ITGA8: variants seen among roughly 807,000 people sequenced by gnomAD.
ITGA8 encodes integrin subunit alpha 8.
ITGA8 carries 91 observed loss-of-function variants against 142.3 expected under a neutral mutation model. The ratio of observed to expected loss-of-function variants is 0.64; its 90% confidence interval spans 0.54 to 0.76. The LOEUF (loss-of-function observed/expected upper bound fraction) is 0.76, where lower values mean the gene tolerates loss of function less well. Ranked by LOEUF, ITGA8 falls within the 30% of genes least tolerant of loss-of-function variation. The pLI, the probability that ITGA8 is intolerant of heterozygous loss-of-function variation, is 0.00. For synonymous variants in ITGA8, 505 were observed against 485.2 expected (o/e 1.04, Z -0.54); for missense variants, 1,406 against 1,327.7 (o/e 1.06, Z -0.92).
At chr10:15,657,505 C>CTTCCTTT (rs1484558885) in intron 10 of ITGA8, among the ~76,000 whole-genome samples, 3 of 66,782 alleles carry the variant, frequency 4.5e-5, no homozygotes, top group South Asian at 1.5e-3. Flanking sequence ...TTTTTCTTTT[C>CTTCCTTT]TTTCATTTTT....
chr10:15,584,774 C>T (rs914270423), intron 23 of ITGA8, among the ~76,000 whole-genome samples: 10 of 152,132 alleles, frequency 6.6e-5, no homozygotes, highest in Non-Finnish European at 1.0e-4. Flanking sequence ...ATATTTTGGC[C>T]GAGCATGGTG....
In ITGA8 at chr10:15,719,600, C is replaced by G; in HGVS notation, c.172G>C (p.Gly58Arg). 1.3e-6 allele frequency: 2 copies of G among 1,560,962 alleles called. No homozygotes were observed. The highest frequency in any genetic ancestry group is 1.4e-5 in the African/African-American group (1 of 70,584). The change falls in exon 1 of 30, where the codon GGC (glycine) becomes CGC (arginine). Residue 58 changes from glycine (G) to arginine (R), a missense_variant. Coordinates refer to ENST00000378076, the MANE Select transcript of ITGA8 (RefSeq NM_003638.3). The stretch of plus-strand genomic sequence containing the variant: ...GGTATGTGGAAGTCCACGGCGTAGC[C>G]GAAGTAGCTGCCCTTGGGGCCGCTG... ...VYSGPKGSYF[G>R]YAVDFHIPDA...
intron 26 of ITGA8, among the ~76,000 whole-genome samples, chr10:15,553,173 C>T (rs1833822537): frequency 6.6e-6 from 1 of 152,076 alleles, no homozygotes; most frequent in African/African-American, 2.4e-5. Flanking sequence ...GGGAGGATCA[C>T]TTGAATCCGG....
At position 15,710,261 on chromosome 10, in the gene ITGA8, C is replaced by T. The variant is rs542127156; in HGVS notation, c.343+8505G>A. On this transcript the variant is annotated intron_variant, in intron 2 of 29. Coordinates refer to ENST00000378076, the MANE Select transcript of ITGA8 (RefSeq NM_003638.3). ...TTTTGACTTTTATGTTTTTTATTTA[C>T]CACTGAAACACAAATCTTCTCATGT... Among the ~76,000 whole-genome samples the T allele has an allele frequency of 8.5e-5, 13 of 152,178 alleles. No homozygotes were observed. In the East Asian group the frequency reaches 2.5e-3, roughly 29 times the overall value.
chr10:15,644,316 G>A, intron 12 of ITGA8, 95 bp from the exon 13 acceptor site: 1 of 1,173,184 alleles, frequency 8.5e-7, no homozygotes. Flanking sequence ...CACCCAAGCT[G>A]GAGTGCAGTG....
chr10:15,523,806 C>T (rs1024419262), intron 28 of ITGA8, among the ~76,000 whole-genome samples: 8 of 150,408 alleles, frequency 5.3e-5, no homozygotes, highest in African/African-American at 7.4e-5. Flanking sequence ...GTGGTGCATA[C>T]CTGTAGTCTC....
At chr10:15,525,866 A>C (rs1833164573) in intron 28 of ITGA8, among the ~76,000 whole-genome samples, 1 of 152,124 alleles carries the variant, frequency 6.6e-6, no homozygotes, top group Non-Finnish European at 1.5e-5. Flanking sequence ...CTAATAATTT[A>C]CATTTTTTTA....
rs1564362665 is a variant in ITGA8 at position 15,586,048 on chromosome 10, G to GTTT, written c.2372+535_2372+536insAAA. On this transcript the variant is annotated intron_variant, in intron 23 of 29. Transcript: ENST00000378076. ...GCACTGTCAATTTGGGGAATAAAGT[G>GTTT]ATTTTTTTTTTTTTTTTTTTTTTTT... is the stretch of plus-strand genomic sequence containing the variant. 1.1e-3 allele frequency among the ~76,000 whole-genome samples: 132 copies of GTTT among 120,516 alleles called. 1 individual carries two copies. The highest frequency in any genetic ancestry group is 4.3e-3 in the African/African-American group (130 of 30,222). 79.1% of individuals were successfully genotyped at this position (120,516 alleles called of 152,430 possible).
At chr10:15,581,365 G>A (rs1044984156) in intron 23 of ITGA8, among the ~76,000 whole-genome samples, 1 of 152,202 alleles carries the variant, frequency 6.6e-6, no homozygotes, top group African/African-American at 2.4e-5. Flanking sequence ...CTCCACAGGG[G>A]AGAAGGATGG....
At chr10:15,569,769 G>A (rs1245631263) in intron 25 of ITGA8, among the ~76,000 whole-genome samples, 2 of 152,036 alleles carry the variant, frequency 1.3e-5, no homozygotes, top group Non-Finnish European at 2.9e-5. Flanking sequence ...ATTTAAAATG[G>A]TTATTAAAAT....
chr10:15,565,605 T>C (rs915333813), intron 25 of ITGA8, among the ~76,000 whole-genome samples: 4 of 138,132 alleles, frequency 2.9e-5, no homozygotes, highest in African/African-American at 1.1e-4. Flanking sequence ...TTTTTTTTTT[T>C]TTGAGACAGA....
intron 13 of ITGA8, among the ~76,000 whole-genome samples, chr10:15,628,340 T>G (rs1463253591): frequency 7.5e-6 from 1 of 133,968 alleles, no homozygotes; most frequent in African/African-American, 2.9e-5. Flanking sequence ...TTTTTTTTTT[T>G]TTTTTTTTTT....
chr10:15,664,176 A>C (rs1322494040), intron 8 of ITGA8, among the ~76,000 whole-genome samples: 2 of 152,188 alleles, frequency 1.3e-5, no homozygotes, highest in Admixed American at 6.5e-5. Flanking sequence ...TGGAGGCACT[A>C]AGATGCTTGG....
intron 15 of ITGA8, among the ~76,000 whole-genome samples, chr10:15,611,895 A>G (rs1380705302): frequency 2.6e-5 from 4 of 152,188 alleles, no homozygotes; most frequent in Non-Finnish European, 5.9e-5. Flanking sequence ...TCAAAACAAC[A>G]ACATTCTATA....
At chr10:15,700,160 C>A (rs1385968157) in intron 2 of ITGA8, among the ~76,000 whole-genome samples, 1 of 152,144 alleles carries the variant, frequency 6.6e-6, no homozygotes, top group Non-Finnish European at 1.5e-5. Context: ...TATACAGTGG[C>A]AGAGATACTT....
intron 25 of ITGA8, among the ~76,000 whole-genome samples, chr10:15,569,507 C>G (rs1371652017): frequency 1.3e-5 from 2 of 152,218 alleles, no homozygotes; most frequent in Admixed American, 6.5e-5. Context: ...CTTGCCTTGA[C>G]AAATGTTATT....
At chr10:15,716,111 T>C (rs1340432212) in intron 2 of ITGA8, among the ~76,000 whole-genome samples, 1 of 152,250 alleles carries the variant, frequency 6.6e-6, no homozygotes, top group East Asian at 1.9e-4. Context: ...TTGTTCATTC[T>C]GTCATGGACC....
intron 28 of ITGA8, among the ~76,000 whole-genome samples, chr10:15,529,123 C>T (rs924415843): frequency 1.3e-5 from 2 of 151,764 alleles, no homozygotes; most frequent in African/African-American, 4.8e-5. Context: ...GACGAGGTCT[C>T]GCCCAGGTTG....
chr10:15,650,366 T>C (rs1190507800), intron 11 of ITGA8, among the ~76,000 whole-genome samples: 1 of 152,246 alleles, frequency 6.6e-6, no homozygotes, highest in South Asian at 2.1e-4. Flanking sequence ...ATGCATATAT[T>C]AATGGCATTT....
Sources: gnomAD v4.1 joint callset for allele counts (sites outside exome capture counted in the v4.1 genomes callset) on GRCh38, gnomAD v4.1.1 for gene constraint, MANE v1.5 for transcripts, NCBI Gene and HGNC (gene_info 2026-07-23, HGNC 2026-07-21) for gene names.